PRKAR1A: variants seen among roughly 807,000 people sequenced by gnomAD.
PRKAR1A encodes the protein cAMP-dependent protein kinase type I-alpha regulatory subunit.
PRKAR1A carries 3 observed loss-of-function variants against 52.0 expected under a neutral mutation model. That is an observed-to-expected ratio of 0.06 (90% confidence interval 0.03 to 0.15). The LOEUF is 0.15. Among genes scored for constraint, PRKAR1A ranks in the 10% least tolerant of loss-of-function variants. The probability of loss-of-function intolerance (pLI) is 1.00; values close to 1 mark genes in which losing one functional copy is unlikely to be tolerated. For synonymous variants in PRKAR1A, 188 were observed against 168.4 expected, an observed-to-expected ratio of 1.12 and a Z score of -0.90; for missense variants, 240 against 477.4, an observed-to-expected ratio of 0.50 and a Z score of 4.63.
chr17:68,435,788 T>C, the PRKAR1A span: 1 of 1,346,742 alleles, frequency 7.4e-7, no homozygotes, highest in Non-Finnish European at 1.1e-6. Context: ...CCCCTTCCTC[T>C]TTTCTCCTTT....
the PRKAR1A span, among the ~76,000 whole-genome samples, chr17:68,486,519 T>TCCTTCCTTCCC: frequency 2.2e-3 from 169 of 75,294 alleles, no homozygotes; most frequent in Middle Eastern, 0.014. Flanking sequence ...CTTTCTTTCT[T>TCCTTCCTTCCC]TCTTTCTTTC....
intron 7 of PRKAR1A, chr17:68,527,465 A>G (rs1233686291): frequency 4.6e-6 from 1 of 215,338 alleles, no homozygotes; most frequent in Admixed American, 5.4e-5. Flanking sequence ...TCAGTTTGAG[A>G]GTAAACATGG....
the PRKAR1A span, chr17:68,427,328 G>T: frequency 9.0e-7 from 1 of 1,107,874 alleles, no homozygotes; most frequent in Non-Finnish European, 1.4e-6. Context: ...CAAAGGAAAA[G>T]CATGAAGAAG....
intron 6 of PRKAR1A, 146 bp from the exon 7 acceptor site, chr17:68,525,608 T>G: frequency 1.2e-6 from 1 of 817,344 alleles, no homozygotes; most frequent in South Asian, 1.6e-5. Flanking sequence ...TCACCTATTC[T>G]TCTCTGTTGT....
rs536373484 is a variant in PRKAR1A, at chr17:68,541,400, C to T, written c.974-9684C>T. On this transcript the variant is annotated intron_variant, in intron 11 of 11. Coordinates refer to the PRKAR1A transcript ENST00000585981. ...TCCGATGCCCATTTTCATCCGAGGGCTCTTCTCAGCCTTCACAGAGTCCCT... is the reference window on the plus strand; with the variant it reads ...TCCGATGCCCATTTTCATCCGAGGGTTCTTCTCAGCCTTCACAGAGTCCCT... 2.3e-5 allele frequency: 5 copies of T among 221,992 alleles called. No homozygotes were observed. The South Asian group carries it at 3.4e-4, about 15-fold the overall frequency. The allele number at this position is 221,992 out of a possible 1,614,324, so 13.8% of individuals were successfully genotyped here.
the PRKAR1A span, among the ~76,000 whole-genome samples, chr17:68,419,819 G>C: frequency 1.3e-5 from 2 of 150,502 alleles, no homozygotes; most frequent in African/African-American, 4.9e-5. Context: ...AAAGTTGGGC[G>C]TGGTGGTGCA....
At position 68,531,357 on chromosome 17, in the gene PRKAR1A, A is replaced by C; in HGVS notation, c.*908A>C. On this transcript the variant is annotated 3_prime_UTR_variant, in exon 11 of 11. Transcript: ENST00000589228. ...ATGTCCTTCAGCTGACTCCAGTATA[A>C]TCTCCTCTGCTCATTAAACTGATTC... 1 of 1,065,816 alleles carries C rather than the reference A, an allele frequency of 9.4e-7. No homozygotes were observed. The highest frequency in any genetic ancestry group is 1.1e-6 in the Non-Finnish European group (1 of 879,502). The allele number at this position is 1,065,816 out of a possible 1,614,324, so 66.0% of individuals were successfully genotyped here. A position where few individuals can be genotyped will look rare whatever the true frequency, so the allele number is the denominator to read the frequency against.
the PRKAR1A span, chr17:68,434,760 G>A: frequency 1.4e-4 from 117 of 819,990 alleles, 2 homozygotes; most frequent in African/African-American, 1.5e-3. Context: ...TGAGCATAGA[G>A]GCATGTTTAT....
chr17:68,496,818 CTTTT>C, the PRKAR1A span, among the ~76,000 whole-genome samples: 136 of 91,206 alleles, frequency 1.5e-3, 2 homozygotes, highest in Admixed American at 5.8e-3. Context: ...TTAGTTTTTA[CTTTT>C]TTTTTTTTTT....
rs2085991488 is a variant in PRKAR1A at position 68,532,101 on chromosome 17, G to A, written c.*1652G>A. 1 of 1,064,316 alleles carries A rather than the reference G, an allele frequency of 9.4e-7. No homozygotes were observed. The highest frequency in any genetic ancestry group is 1.6e-5 in the African/African-American group (1 of 60,914). 65.9% of individuals were successfully genotyped at this position (1,064,316 alleles called of 1,614,324 possible). A position where few individuals can be genotyped will look rare whatever the true frequency, so the allele number is the denominator to read the frequency against. ...GAGGTTTTATTTACATTTTAGGGTG[G>A]GTAAGAAAGCCACCTTGTTACAAAT... On this transcript the variant is annotated 3_prime_UTR_variant, in exon 11 of 11. Transcript: ENST00000589228.
the PRKAR1A span, among the ~76,000 whole-genome samples, chr17:68,479,879 T>C: frequency 2.0e-5 from 3 of 152,216 alleles, no homozygotes; most frequent in Admixed American, 1.3e-4. Context: ...AACACGTCCT[T>C]CTTCACATGG....
chr17:68,464,986 C>T, the PRKAR1A span, among the ~76,000 whole-genome samples: 359 of 147,704 alleles, frequency 2.4e-3, 3 homozygotes, highest in African/African-American at 8.3e-3. Context: ...AGTGCAGTGG[C>T]GTGATCTCCG....
intron 3 of PRKAR1A, 34 bp downstream of exon 3, chr17:68,522,960 T>C: frequency 6.2e-7 from 1 of 1,610,470 alleles, no homozygotes; most frequent in Non-Finnish European, 8.5e-7. Context: ...GGGGGATGCT[T>C]TTGGGACCCA....
the PRKAR1A span, among the ~76,000 whole-genome samples, chr17:68,431,185 A>G: frequency 1.3e-5 from 2 of 152,208 alleles, no homozygotes; most frequent in Admixed American, 6.5e-5. Context: ...CCACGTGAGC[A>G]GTTAATATGC....
chr17:68,452,945 C>A, the PRKAR1A span: 1 of 1,614,102 alleles, frequency 6.2e-7, no homozygotes, highest in Non-Finnish European at 8.5e-7. Flanking sequence ...CTCCACAGAA[C>A]TCAGAGAAAA....
chr17:68,474,617 C>T, the PRKAR1A span, among the ~76,000 whole-genome samples: 4 of 152,174 alleles, frequency 2.6e-5, no homozygotes, highest in African/African-American at 7.2e-5. Context: ...ATAAATAGGG[C>T]GGGAGCAGTG....
At chr17:68,542,448 G>A (rs796396102) in intron 11 of PRKAR1A, among the ~76,000 whole-genome samples, 1 of 152,132 alleles carries the variant, frequency 6.6e-6, no homozygotes, top group Non-Finnish European at 1.5e-5. Context: ...TGGTTCCGGG[G>A]AGGCCAGCAT....
chr17:68,427,773 GGACATGC>G, the PRKAR1A span, among the ~76,000 whole-genome samples: 19 of 152,334 alleles, frequency 1.2e-4, no homozygotes, highest in East Asian at 3.5e-3. Flanking sequence ...ACACAGGTGA[GGACATGC>G]TAGCAAGGAG....
chr17:68,543,705 CCT>C lies in PRKAR1A; in HGVS notation c.974-7377_974-7376del, dbSNP rs756165050. On this transcript the variant is annotated intron_variant, in intron 11 of 11. Transcript: ENST00000585981. ...AAGTAGAAGAAGTCCACTGGTGTCT[CCT>C]CATCTCGCTGCTGTCTGGAAGGAAG... 3 of 1,613,986 alleles carry C rather than the reference CCT, an allele frequency of 1.9e-6. No homozygotes were observed. In the East Asian group the frequency reaches 6.7e-5, roughly 36 times the overall value.
Sources: gnomAD v4.1 joint callset for allele counts (sites outside exome capture counted in the v4.1 genomes callset) on GRCh38, gnomAD v4.1.1 for gene constraint, MANE v1.5 for transcripts, NCBI Gene and HGNC (gene_info 2026-07-23, HGNC 2026-07-21) for gene names.